Variants in B3GALT1 observed in about 807,000 individuals in gnomAD.
B3GALT1 encodes UDP-Gal:betaGlcNAc beta 1,3-galactosyltransferase, polypeptide 1.
B3GALT1 carries 10 observed loss-of-function variants against 23.2 expected under a neutral mutation model. The ratio of observed to expected loss-of-function variants is 0.43; its 90% CI spans 0.27 to 0.73. B3GALT1 has a LOEUF of 0.73. B3GALT1 is among the 30% of genes least tolerant of loss of function. The pLI, the probability that B3GALT1 is intolerant of heterozygous loss-of-function variation, is 0.21. For synonymous variants in B3GALT1, 156 were observed against 141.5 expected (o/e 1.10, Z -0.73); for missense variants, 299 against 405.4 (o/e 0.74, Z 2.25).
Position 167,650,326 on chromosome 2 carries a change from A to G in B3GALT1, c.-352+3360A>G, listed in dbSNP as rs568042688. 5.4e-5 allele frequency among the ~76,000 whole-genome samples: 8 copies of G among 148,680 alleles called. No individual in the cohort carries two copies. In the East Asian group the frequency reaches 5.9e-4, roughly 11 times the overall value. ...TCTATATATATATATGTGTGTGTGT[A>G]TATATATATTTATTATATATATAGT... On this transcript the variant is annotated intron_variant, in intron 3 of 4. Transcript: ENST00000392690.
intron 1 of B3GALT1, among the ~76,000 whole-genome samples, chr2:167,335,620 C>T (rs546278565): frequency 8.5e-5 from 13 of 152,264 alleles, no homozygotes; most frequent in Non-Finnish European, 1.3e-4. Context: ...ATGGTAACTT[C>T]CTGACATTGC....
intron 2 of B3GALT1, among the ~76,000 whole-genome samples, chr2:167,616,879 A>C (rs924899441): frequency 1.3e-5 from 2 of 152,096 alleles, no homozygotes; most frequent in African/African-American, 4.8e-5. Context: ...AGTACTTTGA[A>C]TTGATTCAGA....
intron 2 of B3GALT1, among the ~76,000 whole-genome samples, chr2:167,539,402 A>G (rs1489453088): frequency 6.6e-6 from 1 of 152,192 alleles, no homozygotes; most frequent in Admixed American, 6.5e-5. Context: ...AAAGTTATAT[A>G]CATCTAGCAA....
At chr2:167,653,692 C>G (rs1283372493) in intron 3 of B3GALT1, among the ~76,000 whole-genome samples, 1 of 152,120 alleles carries the variant, frequency 6.6e-6, no homozygotes, top group African/African-American at 2.4e-5. Flanking sequence ...CCGAGCAGTA[C>G]CTGCACCCAG....
chr2:167,845,546 CG>C (rs569714592), intron 4 of B3GALT1, among the ~76,000 whole-genome samples: 37 of 152,214 alleles, frequency 2.4e-4, no homozygotes, highest in Middle Eastern at 6.8e-3. Flanking sequence ...TTAGGAAAAG[CG>C]GGGAGTACTA....
At chr2:167,544,115 C>T (rs1489127936) in intron 2 of B3GALT1, among the ~76,000 whole-genome samples, 1 of 152,170 alleles carries the variant, frequency 6.6e-6, no homozygotes, top group African/African-American at 2.4e-5. Context: ...ATGCGTCCCC[C>T]AGAAGAAATC....
intron 3 of B3GALT1, among the ~76,000 whole-genome samples, chr2:167,696,365 C>T (rs1374660072): frequency 6.7e-6 from 1 of 150,172 alleles, no homozygotes; most frequent in Admixed American, 6.6e-5. Context: ...TGTAAAATAC[C>T]TAGCACTGTA....
intron 3 of B3GALT1, among the ~76,000 whole-genome samples, chr2:167,758,743 T>A (rs527619136): frequency 6.6e-6 from 1 of 152,284 alleles, no homozygotes; most frequent in Non-Finnish European, 1.5e-5. Context: ...GGGAGCAGAT[T>A]GATTTGTTAA....
chr2:167,700,551 A>G (rs1308690343), intron 3 of B3GALT1, among the ~76,000 whole-genome samples: 1 of 152,192 alleles, frequency 6.6e-6, no homozygotes, highest in Non-Finnish European at 1.5e-5. Flanking sequence ...TAGTCTCTAA[A>G]GTGTATTAGT....
intron 1 of B3GALT1, among the ~76,000 whole-genome samples, chr2:167,477,475 T>G (rs994536813): frequency 2.0e-5 from 3 of 152,176 alleles, no homozygotes; most frequent in African/African-American, 7.2e-5. Flanking sequence ...ATTAGGTGAT[T>G]AGACAGAAGA....
At chr2:167,651,024 G>A (rs1026167034) in intron 3 of B3GALT1, among the ~76,000 whole-genome samples, 6 of 151,530 alleles carry the variant, frequency 4.0e-5, no homozygotes, top group Non-Finnish European at 8.8e-5. Context: ...TGTTAGATTT[G>A]ACCTTTCAAA....
intron 2 of B3GALT1, among the ~76,000 whole-genome samples, chr2:167,566,591 C>G (rs80056959): frequency 0.036 from 5,493 of 151,912 alleles, 169 homozygotes; most frequent in African/African-American, 0.088. Flanking sequence ...CGTAGTCCAG[C>G]CTCCTTATTT....
chr2:167,587,501 T>C (rs1684602847), intron 2 of B3GALT1, among the ~76,000 whole-genome samples: 1 of 152,178 alleles, frequency 6.6e-6, no homozygotes, highest in African/African-American at 2.4e-5. Flanking sequence ...GTGTGCTAGC[T>C]CCAGACCTAA....
chr2:167,388,867 A>G (rs1314120012), intron 1 of B3GALT1, among the ~76,000 whole-genome samples: 1 of 152,194 alleles, frequency 6.6e-6, no homozygotes, highest in African/African-American at 2.4e-5. Flanking sequence ...AAGAAAAGCC[A>G]TCTCTACAAT....
intron 3 of B3GALT1, among the ~76,000 whole-genome samples, chr2:167,680,686 G>A (rs890712791): frequency 6.6e-6 from 1 of 152,210 alleles, no homozygotes; most frequent in African/African-American, 2.4e-5. Context: ...GAGGTTAAGG[G>A]ATTTGTCTAA....
At chr2:167,820,779 T>C (rs568243284) in intron 4 of B3GALT1, among the ~76,000 whole-genome samples, 2 of 152,348 alleles carry the variant, frequency 1.3e-5, no homozygotes, top group South Asian at 2.1e-4. Flanking sequence ...ATTTGTAAAA[T>C]TGAAAGATAG....
intron 2 of B3GALT1, among the ~76,000 whole-genome samples, chr2:167,526,153 G>A (rs1362757313): frequency 4.0e-5 from 6 of 151,800 alleles, no homozygotes; most frequent in Non-Finnish European, 7.4e-5. Flanking sequence ...GAGATTCATT[G>A]CTTCAAAGCC....
At chr2:167,840,033 A>G (rs1432149109) in intron 4 of B3GALT1, among the ~76,000 whole-genome samples, 10 of 152,220 alleles carry the variant, frequency 6.6e-5, no homozygotes, top group Non-Finnish European at 1.5e-5. Context: ...TCAATTCAAG[A>G]TGGATTAAAG....
At chr2:167,694,269 G>A (rs1423397379) in intron 3 of B3GALT1, among the ~76,000 whole-genome samples, 1 of 152,138 alleles carries the variant, frequency 6.6e-6, no homozygotes, top group Non-Finnish European at 1.5e-5. Context: ...GAATAAGTAG[G>A]TAATGGATTA....
Sources: allele counts gnomAD v4.1 joint callset (sites outside exome capture counted in the v4.1 genomes callset), GRCh38; gene constraint gnomAD v4.1.1; transcripts MANE v1.5; gene names NCBI Gene and HGNC (gene_info 2026-07-23, HGNC 2026-07-21).